Variants in PRMT7 observed in about 807,000 individuals in gnomAD.
PRMT7 encodes protein arginine N-methyltransferase 7.
PRMT7 carries 75 observed loss-of-function variants against 85.4 expected under a neutral mutation model. The observed-to-expected ratio is 0.88, with a 90% CI of 0.73 to 1.06. PRMT7 has a LOEUF of 1.06. PRMT7 is among the 50% of genes least tolerant of loss of function. PRMT7 has a pLI of 0.00. For missense variants in PRMT7, 868 were observed against 915.2 expected (o/e 0.95, Z 0.67); for synonymous variants, 397 against 359.5 (o/e 1.10, Z -1.18).
Position 68,330,679 on chromosome 16 carries a change from C to A in PRMT7, c.391+1505C>A, listed in dbSNP as rs535484063. Among the ~76,000 whole-genome samples, 8 of 152,238 alleles carry A rather than the reference C, an allele frequency of 5.3e-5. No individual in the cohort carries two copies. The South Asian group carries it at 1.7e-3, about 32-fold the overall frequency. On this transcript the variant is annotated intron_variant, in intron 6 of 18. Transcript: ENST00000441236. ...GCAGGATCTCAGCTCACTGCAACCT[C>A]TGCCTCCCATGTTCAAGCGATTCTC...
rs900849246 is a variant in PRMT7 at position 68,357,285 on chromosome 16, G to T, written c.*61G>T. 12 of 1,523,400 alleles carry T rather than the reference G, an allele frequency of 7.9e-6. No individual in the cohort carries two copies. Among genetic ancestry groups the T allele is most frequent in the Non-Finnish European group, 1.1e-5 (12 of 1,127,650 alleles). The allele number at this position is 1,523,400 out of a possible 1,614,324, so 94.4% of individuals were successfully genotyped here. On this transcript the variant is annotated 3_prime_UTR_variant, in exon 19 of 19. Coordinates refer to ENST00000441236, the MANE Select transcript of PRMT7 (RefSeq NM_019023.5). Reference sequence around the variant, plus strand: ...GTTCTGAGTGGCTCATGGCTTTCTAGCGGGGAAGGCTGAAGGCCCTCCTCT... The same window carrying T: ...GTTCTGAGTGGCTCATGGCTTTCTATCGGGGAAGGCTGAAGGCCCTCCTCT...
intron 4 of PRMT7, 142 bp downstream of exon 4, chr16:68,321,604 A>G (rs1597160701): frequency 7.3e-6 from 5 of 684,052 alleles, no homozygotes; most frequent in East Asian, 5.5e-5. Flanking sequence ...CAGTTGGGAG[A>G]CTGGGTCCTA....
intron 5 of PRMT7, among the ~76,000 whole-genome samples, chr16:68,327,918 G>A (rs1171503634): frequency 3.2e-5 from 3 of 92,908 alleles, no homozygotes; most frequent in Admixed American, 1.2e-4. Flanking sequence ...ACAATAGAGT[G>A]AGACCCTTCT....
intron 14 of PRMT7, chr16:68,351,979 C>T (rs758814845): frequency 5.8e-5 from 20 of 346,520 alleles, no homozygotes; most frequent in Non-Finnish European, 8.5e-5. Context: ...GCTCTGCTCT[C>T]CTGAGCACGG....
intron 9 of PRMT7, among the ~76,000 whole-genome samples, chr16:68,342,198 A>C (rs1477239481): frequency 6.6e-6 from 1 of 152,116 alleles, no homozygotes; most frequent in East Asian, 1.9e-4. Flanking sequence ...GAATTGCTTG[A>C]ACCCAGGAGG....
chr16:68,344,212 G>A (rs2151799011), intron 9 of PRMT7, among the ~76,000 whole-genome samples: 1 of 152,264 alleles, frequency 6.6e-6, no homozygotes, highest in Middle Eastern at 3.4e-3. Flanking sequence ...CAAACGATTT[G>A]CCAGCCTCGG....
chr16:68,336,437 A>G (rs1233460471), intron 6 of PRMT7, among the ~76,000 whole-genome samples: 1 of 152,206 alleles, frequency 6.6e-6, no homozygotes, highest in Non-Finnish European at 1.5e-5. Flanking sequence ...TGGGGATTCT[A>G]AGTCATGGAT....
chr16:68,353,403 G>C, intron 15 of PRMT7, 89 bp from the exon 16 acceptor site: 1 of 1,592,756 alleles, frequency 6.3e-7, no homozygotes, highest in Non-Finnish European at 8.5e-7. Context: ...AGGTGTGCAG[G>C]GAACAGCAAG....
At chr16:68,325,518 G>C (rs1037581607) in intron 5 of PRMT7, among the ~76,000 whole-genome samples, 2 of 149,256 alleles carry the variant, frequency 1.3e-5, no homozygotes, top group Admixed American at 1.3e-4. Flanking sequence ...ACAAAGGCTG[G>C]GCACAGTGTC....
chr16:68,332,836 A>G (rs1003262307), intron 6 of PRMT7, among the ~76,000 whole-genome samples: 4 of 152,158 alleles, frequency 2.6e-5, no homozygotes, highest in Admixed American at 2.6e-4. Context: ...GGTAAGGGTT[A>G]CTTGGTTTGT....
chr16:68,346,167 C>G lies in PRMT7; in HGVS notation c.1078C>G (p.Arg360Gly). The change falls in exon 11 of 19, where the codon CGC (arginine) becomes GGC (glycine). Residue 360 changes from arginine to glycine, a missense_variant. Arg to Gly is a moderately radical substitution (Grantham distance 125). Transcript: ENST00000441236. ...RTSPEKNERV[R>G]QMRPVCDCQA... The stretch of plus-strand genomic sequence containing the variant: ...TAGCCCTGAAAAGAATGAGAGAGTC[C>G]GCCAGATGCGCCCCGTGTGTGACTG... 6.2e-7 allele frequency: 1 copy of G among 1,613,960 alleles called. No individual in the cohort carries two copies. The highest frequency in any genetic ancestry group is 1.1e-5 in the South Asian group (1 of 91,070).
At chr16:68,314,935 A>G (rs1188598194) in intron 2 of PRMT7, among the ~76,000 whole-genome samples, 2 of 152,120 alleles carry the variant, frequency 1.3e-5, no homozygotes, top group Non-Finnish European at 2.9e-5. Context: ...TAAAATTAAA[A>G]TTTGAATAGA....
At position 68,324,669 on chromosome 16, in the gene PRMT7, C is replaced by A. The variant is rs2082895052; in HGVS notation, c.133-14C>A. On this transcript the variant is annotated splice_polypyrimidine_tract_variant and intron_variant, in intron 4 of 18. Coordinates refer to ENST00000441236, the MANE Select transcript of PRMT7 (RefSeq NM_019023.5). ...ATAATAACTGGTAGTAAGTGACGGC[C>A]ATGTCTTCCTTAGAATGTAAAATAC... 6.2e-7 allele frequency: 1 copy of A among 1,613,818 alleles called. No individual in the cohort carries two copies. The highest frequency in any genetic ancestry group is 8.5e-7 in the Non-Finnish European group (1 of 1,179,782).
At chr16:68,338,604 T>G (rs541857895) in intron 7 of PRMT7, among the ~76,000 whole-genome samples, 1 of 151,670 alleles carries the variant, frequency 6.6e-6, no homozygotes, top group Non-Finnish European at 1.5e-5. Context: ...CGGGAGTGAG[T>G]CCAGTTAGAG....
chr16:68,314,192 T>C (rs1032166825), intron 2 of PRMT7, among the ~76,000 whole-genome samples: 1 of 152,210 alleles, frequency 6.6e-6, no homozygotes. Context: ...ACTGCCGGCC[T>C]GAGTTTGTTC....
At chr16:68,324,301 C>T (rs2082847451) in intron 4 of PRMT7, 1 of 202,686 alleles carries the variant, frequency 4.9e-6, no homozygotes, top group Non-Finnish European at 1.0e-5. Flanking sequence ...TCAACTGCCC[C>T]TACCGAGAGG....
chr16:68,332,664 G>A (rs1338588203), intron 6 of PRMT7, among the ~76,000 whole-genome samples: 1 of 152,082 alleles, frequency 6.6e-6, no homozygotes, highest in Admixed American at 6.5e-5. Context: ...CTTTTTTTCT[G>A]TGTAATTTCC....
rs2082908580 is a variant in PRMT7 at position 68,324,799 on chromosome 16, C to T, written c.249C>T (p.Val83=). Residue 83 remains valine, a synonymous_variant, in exon 5 of 19, where the codon GTC becomes GTT. Coordinates refer to ENST00000441236, the MANE Select transcript of PRMT7 (RefSeq NM_019023.5). ...CGGGACTCTTGTCAATGATGGCGGT[C>T]ACAGCAGGTGCCGACTTCTGCTATG... The part of the protein sequence containing the change: ...TGTGLLSMMA[V]TAGADFCYAI... 6.2e-7 allele frequency: 1 copy of T among 1,614,062 alleles called. No homozygotes were observed. Among genetic ancestry groups the T allele is most frequent in the Admixed American group, 1.7e-5 (1 of 59,996 alleles).
intron 6 of PRMT7, among the ~76,000 whole-genome samples, chr16:68,333,175 A>T (rs951172561): frequency 1.3e-5 from 2 of 151,922 alleles, no homozygotes; most frequent in East Asian, 1.9e-4. Context: ...TTGTTTTTTT[A>T]AATTTTTATT....
Sources: allele counts gnomAD v4.1 joint callset (sites outside exome capture counted in the v4.1 genomes callset), GRCh38; gene constraint gnomAD v4.1.1; transcripts MANE v1.5; gene names NCBI Gene and HGNC (gene_info 2026-07-23, HGNC 2026-07-21).